The following POLRMT variants were observed in gnomAD, a reference collection of about 807,000 sequenced individuals.
POLRMT encodes the protein DNA-directed RNA polymerase, mitochondrial.
A neutral mutation model predicts 132.2 loss-of-function variants in POLRMT; 114 were observed. That is an observed-to-expected ratio of 0.86 (90% CI 0.74 to 1.01). POLRMT has a LOEUF of 1.01. Ranked by LOEUF, POLRMT falls within the 50% of genes least tolerant of loss-of-function variation. POLRMT has a pLI of 0.00. For missense variants in POLRMT, 2,003 were observed against 1,729.1 expected (o/e 1.16, Z -2.81); for synonymous variants, 1,020 against 773.4 (o/e 1.32, Z -5.29).
chr19:630,490 G>A (rs1878305030), intron 2 of POLRMT, among the ~76,000 whole-genome samples: 1 of 152,028 alleles, frequency 6.6e-6, no homozygotes, highest in Non-Finnish European at 1.5e-5. Context: ...AGAACCCGGG[G>A]TCTGTGACAA....
chr19:622,946 CT>C lies in POLRMT; in HGVS notation c.1329del (p.Ala444HisfsTer13). On this transcript the variant is annotated frameshift_variant, in exon 7 of 21. Transcript: ENST00000588649. LOFTEE classifies it high-confidence loss of function. ...GTCTCCCGCAGCGCCCGGCACAGTG[CT>C]TTCTCCCATTGGTCCCGCAGGGTCT... Reference protein sequence around the residue: ...TLKTLRDQWEKALCRALRETK... With the variant: ...TLKTLRDQWEXALCRALRETK... The C allele has an allele frequency of 1.9e-6, 3 of 1,613,008 alleles. No individual in the cohort carries two copies. Among genetic ancestry groups the C allele is most frequent in the Non-Finnish European group, 2.5e-6 (3 of 1,179,930 alleles).
In POLRMT at chr19:630,177, G is replaced by A. The variant is rs767373570; in HGVS notation, c.194-9C>T. 3.2e-6 allele frequency: 5 copies of A among 1,574,316 alleles called. No individual in the cohort carries two copies. The highest frequency in any genetic ancestry group is 3.5e-5 in the Admixed American group (2 of 57,164). ...CACCCGCGCCTGGAGCACTGTGAGG[G>A]GCAGAAGGCGAGGACATGAGAGGGA... is the stretch of plus-strand genomic sequence containing the variant. On this transcript the variant is annotated splice_polypyrimidine_tract_variant and intron_variant, in intron 2 of 20. Coordinates refer to ENST00000588649, the MANE Select transcript of POLRMT (RefSeq NM_005035.4).
intron 11 of POLRMT, 124 bp from the exon 12 acceptor site, chr19:620,204 C>A (rs1984406980): frequency 6.8e-7 from 1 of 1,469,612 alleles, no homozygotes; most frequent in Non-Finnish European, 9.1e-7. Context: ...GCACCGGAGC[C>A]CCCGCACGCT....
intron 2 of POLRMT, 90 bp from the exon 3 acceptor site, chr19:630,258 C>T: frequency 6.9e-7 from 1 of 1,456,736 alleles, no homozygotes; most frequent in Non-Finnish European, 9.2e-7. Flanking sequence ...CCAGGAGGTG[C>T]AGGTGGCTGA....
intron 5 of POLRMT, among the ~76,000 whole-genome samples, chr19:624,063 G>C (rs1346767730): frequency 3.9e-5 from 6 of 152,244 alleles, no homozygotes; most frequent in African/African-American, 1.4e-4. Flanking sequence ...ACTCGCAGTC[G>C]ATAAGTAGAA....
chr19:619,479 G>A, intron 13 of POLRMT, 107 bp downstream of exon 13: 1 of 1,473,058 alleles, frequency 6.8e-7, no homozygotes, highest in Non-Finnish European at 9.3e-7. Context: ...CAGTGGTCTG[G>A]GGGAGCAGCC....
intron 7 of POLRMT, 29 bp from the exon 8 acceptor site, chr19:622,781 C>T (rs776192011): frequency 3.2e-6 from 5 of 1,565,744 alleles, no homozygotes; most frequent in Non-Finnish European, 4.3e-6. Flanking sequence ...AGTGCCTGCC[C>T]GCCCCGCCCG....
rs779260329 is a variant in POLRMT at position 622,335 on chromosome 19, C to T, written c.1665G>A (p.Glu555=). Residue 555 remains glutamate (E), a synonymous_variant, in exon 9 of 21, where the codon GAG becomes GAA. Transcript: ENST00000588649. The part of the protein sequence containing the change: ...EPCLPRQYWE[E]LGAPEALREQ... ...CCCGCAGGGCCTCGGGCGCCCCCAG[C>T]TCCTCCCAGTACTGCCGCGGCAGGC... 7 of 1,561,464 alleles carry T rather than the reference C, an allele frequency of 4.5e-6. No individual in the cohort carries two copies. In the South Asian group the frequency reaches 8.2e-5, roughly 18 times the overall value.
At position 625,706 on chromosome 19, in the gene POLRMT, CT is replaced by C. The variant is rs558262682; in HGVS notation, c.823-453del. ...GACGTATTTGGTCTGAGATGTTTCA[CT>C]TTTTTTCCCCCCAAGATGGAGTCTT... On this transcript the variant is annotated intron_variant, in intron 3 of 20. Transcript: ENST00000588649. 5.5e-4 allele frequency among the ~76,000 whole-genome samples: 84 copies of C among 152,270 alleles called. 1 individual carries two copies. In the East Asian group the frequency reaches 0.013, roughly 24 times the overall value.
intron 2 of POLRMT, among the ~76,000 whole-genome samples, chr19:631,889 C>T (rs1277485739): frequency 2.0e-5 from 3 of 152,180 alleles, no homozygotes; most frequent in Non-Finnish European, 4.4e-5. Context: ...ATTTTCCTGC[C>T]TCAGCCTCCT....
rs781171073 is a variant in POLRMT at position 625,270 on chromosome 19, A to T, written c.823-16T>A. ...TGAAGGCACCCTGGGAGACCAAGCC[A>T]GGGTGAGGGTCTGGGGGGATGGCCC... On this transcript the variant is annotated splice_polypyrimidine_tract_variant and intron_variant, in intron 3 of 20. Transcript: ENST00000588649. 27 of 1,613,408 alleles carry T rather than the reference A, an allele frequency of 1.7e-5. No individual in the cohort carries two copies. In the Middle Eastern group the frequency reaches 6.6e-4, roughly 40 times the overall value.
Position 622,885 on chromosome 19 carries a change from C to A in POLRMT, c.1391G>T (p.Arg464Leu), listed in dbSNP as rs769758307. 1 of 1,610,774 alleles carries A rather than the reference C, an allele frequency of 6.2e-7. No individual in the cohort carries two copies. The highest frequency in any genetic ancestry group is 1.1e-5 in the South Asian group (1 of 90,538). The change falls in exon 7 of 21, where the codon CGG becomes CTG. Residue 464 changes from arginine (R) to leucine (L), a missense_variant. By Grantham distance (102) the Arg-to-Leu change is moderately radical. Transcript: ENST00000588649. ...GCACAGGAAGGGGTAAAGTGAGAAC[C>A]GGCCCTCGTACACCTCGCGCTCTAG... ...NRLEREVYEGRFSLYPFLCLL... is the reference protein window; with the variant it reads ...NRLEREVYEGLFSLYPFLCLL...
chr19:631,155 T>C (rs1985384183), intron 2 of POLRMT, among the ~76,000 whole-genome samples: 4 of 145,182 alleles, frequency 2.8e-5, no homozygotes, highest in African/African-American at 1.0e-4. Flanking sequence ...CAATAATCCA[T>C]CTAAAAAAAA....
intron 3 of POLRMT, among the ~76,000 whole-genome samples, chr19:626,120 G>A (rs56049146): frequency 0.11 from 17,370 of 151,990 alleles, 1,255 homozygotes; most frequent in Non-Finnish European, 0.16. Context: ...AAGTGTTTTC[G>A]AACTTCATAG....
rs1984333155 is a variant in POLRMT at position 619,575 on chromosome 19, G to C, written c.3066+11C>G. On this transcript the variant is annotated intron_variant, in intron 13 of 20. Coordinates refer to ENST00000588649, the MANE Select transcript of POLRMT (RefSeq NM_005035.4). ...AACCAACGTGTTCGCAGCGCGACAT[G>C]CCTGGCGCACCTGGGGAAAGTCGCT... 6.2e-7 allele frequency: 1 copy of C among 1,611,220 alleles called. No homozygotes were observed. Among genetic ancestry groups the C allele is most frequent in the South Asian group, 1.1e-5 (1 of 91,018 alleles).
chr19:624,498 C>A (rs990492917), intron 5 of POLRMT, among the ~76,000 whole-genome samples: 20 of 152,126 alleles, frequency 1.3e-4, no homozygotes, highest in Non-Finnish European at 2.6e-4. Context: ...CCTCTCTCTG[C>A]GGCCCCCGAC....
At position 620,073 on chromosome 19, in the gene POLRMT, G is replaced by A. The variant is rs763266025; in HGVS notation, c.2771C>T (p.Ser924Phe). ...AGCATAATGCTGCAGGCCGTTGCAA[G>A]AGCCGTCCTGAGGAAGGGGCGGCAA... Reference protein sequence around the residue: ...VSHLPVHQDGSCNGLQHYAAL... With the variant: ...VSHLPVHQDGFCNGLQHYAAL... The change falls in exon 12 of 21, where the codon TCT (serine) becomes TTT (phenylalanine). Residue 924 changes from serine (S) to phenylalanine (F), a missense_variant. Coordinates refer to ENST00000588649, the MANE Select transcript of POLRMT (RefSeq NM_005035.4). The A allele has an allele frequency of 5.2e-6, 8 of 1,541,368 alleles. No homozygotes were observed. Among genetic ancestry groups the A allele is most frequent in the Non-Finnish European group, 7.0e-6 (8 of 1,148,276 alleles).
Position 617,268 on chromosome 19 carries a change from G to C in POLRMT, c.*6C>G, listed in dbSNP as rs78714943. ...TTATTTACACACTGACAAGGCTCACGGGGTGTCAGCTGAAGAAGTAGGTGG... is the reference window on the plus strand; with the variant it reads ...TTATTTACACACTGACAAGGCTCACCGGGTGTCAGCTGAAGAAGTAGGTGG... On this transcript the variant is annotated 3_prime_UTR_variant, in exon 21 of 21. Transcript: ENST00000588649. The C allele has an allele frequency of 5.0e-6, 8 of 1,612,546 alleles. No homozygotes were observed. Among genetic ancestry groups the C allele is most frequent in the Non-Finnish European group, 6.8e-6 (8 of 1,179,844 alleles).
chr19:628,405 C>A (rs113443947), intron 3 of POLRMT, among the ~76,000 whole-genome samples: 1 of 152,188 alleles, frequency 6.6e-6, no homozygotes, highest in Non-Finnish European at 1.5e-5. Context: ...GGCAGCACGC[C>A]GCCTCCACCT....
Sources: gnomAD v4.1 joint callset for allele counts (sites outside exome capture counted in the v4.1 genomes callset) on GRCh38, gnomAD v4.1.1 for gene constraint, MANE v1.5 for transcripts, NCBI Gene and HGNC (gene_info 2026-07-23, HGNC 2026-07-21) for gene names.